ZMYM1: variants seen among roughly 807,000 people sequenced by gnomAD.
The protein encoded by ZMYM1 is zinc finger MYM-type containing 1.
A neutral mutation model predicts 60.0 loss-of-function variants in ZMYM1; 39 were observed. The observed-to-expected ratio is 0.65, with a 90% CI of 0.50 to 0.85. The LOEUF (loss-of-function observed/expected upper bound fraction) is 0.85. Among genes scored for constraint, ZMYM1 ranks in the 40% least tolerant of loss-of-function variants. ZMYM1 has a pLI of 0.00. For missense variants in ZMYM1, 1,171 were observed against 1,309.5 expected, an observed-to-expected ratio of 0.89 and a Z score of 1.63; for synonymous variants, 413 against 454.0, an observed-to-expected ratio of 0.91 and a Z score of 1.15.
chr1:35,065,657 G>GAA (rs571665871), intron 1 of ZMYM1, among the ~76,000 whole-genome samples: 1 of 140,628 alleles, frequency 7.1e-6, no homozygotes, highest in African/African-American at 2.6e-5. Context: ...TAAGAAGTTA[G>GAA]AAAAAAAAAA....
intron 1 of ZMYM1, chr1:35,059,937 C>T (rs1641841201): frequency 6.6e-6 from 1 of 152,058 alleles, no homozygotes; most frequent in Admixed American, 6.6e-5. Context: ...TATTTCGTTT[C>T]TCTCTCTTGC....
At chr1:35,096,089 C>T (rs1015320180) in intron 3 of ZMYM1, among the ~76,000 whole-genome samples, 198 bp downstream of exon 3, 18 of 151,840 alleles carry the variant, frequency 1.2e-4, no homozygotes, top group Admixed American at 2.6e-4. Flanking sequence ...CCGAGGCAGG[C>T]GGATCATGAG....
chr1:35,106,840 T>C lies in ZMYM1; in HGVS notation c.807+2071T>C, dbSNP rs531790779. ...ATAGGCCTTGTTCTGGGTTGTTTTT[T>C]GTTGTTGTTGTTGTTGTTGTTTGTT... On this transcript the variant is annotated intron_variant, in intron 6 of 9. Coordinates refer to ENST00000359858, the MANE Select transcript of ZMYM1 (RefSeq NM_024772.5). Among the ~76,000 whole-genome samples, 12 of 150,966 alleles carry C rather than the reference T, an allele frequency of 7.9e-5. No individual in the cohort carries two copies. In the South Asian group the frequency reaches 2.5e-3, roughly 32 times the overall value.
intron 4 of ZMYM1, among the ~76,000 whole-genome samples, chr1:35,099,680 T>G (rs933311713): frequency 2.6e-5 from 4 of 152,050 alleles, no homozygotes; most frequent in Non-Finnish European, 5.9e-5. Flanking sequence ...TCTTCTGGGG[T>G]TTTTTTATCT....
chr1:35,097,261 C>A, intron 3 of ZMYM1, 56 bp from the exon 4 acceptor site: 1 of 1,515,782 alleles, frequency 6.6e-7, no homozygotes, highest in Admixed American at 2.2e-5. Flanking sequence ...TAAAGGAATG[C>A]CTACTTAATT....
At position 35,113,503 on chromosome 1, in the gene ZMYM1, T is replaced by C. The variant is rs201466053; in HGVS notation, c.1673T>C (p.Ile558Thr). Residue 558 changes from isoleucine to threonine, a missense_variant, in exon 10 of 10, where the codon ATT becomes ACT. Ile to Thr is a moderately conservative substitution (Grantham distance 89). Transcript: ENST00000359858. ...EGNKKYLKLI[I>T]ENILFLGKQC... The stretch of plus-strand genomic sequence containing the variant: ...AATAAAAAGTACCTAAAGCTTATAA[T>C]TGAAAATATTTTATTTCTTGGAAAG... The C allele has an allele frequency of 7.5e-6, 12 of 1,609,770 alleles. No homozygotes were observed. The highest frequency in any genetic ancestry group is 5.4e-5 in the African/African-American group (4 of 74,680).
At chr1:35,087,824 A>G (rs1642740441) in intron 1 of ZMYM1, among the ~76,000 whole-genome samples, 2 of 151,802 alleles carry the variant, frequency 1.3e-5, no homozygotes, top group African/African-American at 4.8e-5. Context: ...GCACTTTGGG[A>G]GGCTGAGGCC....
exon 1 of ZMYM1, chr1:35,059,923 A>G (rs1244738544): frequency 6.6e-6 from 1 of 151,966 alleles, no homozygotes; most frequent in Non-Finnish European, 1.5e-5. Context: ...CAGCCACAAA[A>G]AGGTATTTCG....
At chr1:35,067,436 C>T (rs1380899924) in intron 1 of ZMYM1, among the ~76,000 whole-genome samples, 1 of 151,878 alleles carries the variant, frequency 6.6e-6, no homozygotes, top group Non-Finnish European at 1.5e-5. Flanking sequence ...TACAGGCATG[C>T]ACCACCATGC....
chr1:35,088,776 C>T (rs1642822341), intron 1 of ZMYM1, among the ~76,000 whole-genome samples: 1 of 147,484 alleles, frequency 6.8e-6, no homozygotes, highest in African/African-American at 2.5e-5. Context: ...AGCATTTTCC[C>T]TTGCCTCAGA....
rs560648562 is a variant in ZMYM1 at position 35,081,234 on chromosome 1, G to A, written c.-75+1792G>A. ...GCCCGGCCGAATAAAATAAATCTTAGCAAAGTGTAATGTATAAAGAAGTGG... is the reference window on the plus strand; with the variant it reads ...GCCCGGCCGAATAAAATAAATCTTAACAAAGTGTAATGTATAAAGAAGTGG... On this transcript the variant is annotated intron_variant, in intron 1 of 9. Coordinates refer to ENST00000359858, the MANE Select transcript of ZMYM1 (RefSeq NM_024772.5). 2.0e-5 allele frequency among the ~76,000 whole-genome samples: 3 copies of A among 152,296 alleles called. No individual in the cohort carries two copies. In the South Asian group the frequency reaches 6.2e-4, roughly 32 times the overall value.
intron 1 of ZMYM1, among the ~76,000 whole-genome samples, chr1:35,073,520 A>G (rs1338063789): frequency 1.3e-5 from 2 of 151,724 alleles, no homozygotes; most frequent in African/African-American, 4.8e-5. Context: ...CTATGATCAC[A>G]CCACTTCACG....
intron 1 of ZMYM1, among the ~76,000 whole-genome samples, chr1:35,066,100 A>G (rs1569838805): frequency 1.3e-5 from 2 of 152,242 alleles, no homozygotes; most frequent in Non-Finnish European, 2.9e-5. Flanking sequence ...TCTATAAAAA[A>G]AACCTCCTAC....
At chr1:35,104,065 A>C (rs957316616) in intron 4 of ZMYM1, among the ~76,000 whole-genome samples, 1 of 152,210 alleles carries the variant, frequency 6.6e-6, no homozygotes, top group East Asian at 1.9e-4. Flanking sequence ...GCAAGACCCT[A>C]TCTCTTAAAA....
chr1:35,110,427 C>A lies in ZMYM1; in HGVS notation c.941C>A (p.Ala314Asp). ...SINCFSAYSK[A>D]KMESSSVSVV... is the part of the protein sequence containing the mutation. ...AATTGTTTCTCTGCATACAGTAAAG[C>A]TAAGATGGAATCTTCTTCAGGTAAT... Residue 314 changes from alanine (A) to aspartate (D), a missense_variant, in exon 7 of 10, where the codon GCT becomes GAT. Transcript: ENST00000359858. 6.6e-7 allele frequency: 1 copy of A among 1,523,904 alleles called. No homozygotes were observed. Among genetic ancestry groups the A allele is most frequent in the South Asian group, 1.4e-5 (1 of 73,924 alleles). The allele number at this position is 1,523,904 out of a possible 1,614,324, so 94.4% of individuals were successfully genotyped here. A position where few individuals can be genotyped will look rare whatever the true frequency, so the allele number is the denominator to read the frequency against.
rs776440295 is a variant in ZMYM1, at chr1:35,104,334, G to A, written c.459G>A (p.Leu153=). ...LNPKDVISVQ[L]EDTTSCKTFC... ...CAAAGGATGTGATTAGTGTCCAGCT[G>A]GAAGACACTACCTCTTGCAAAACTT... Residue 153 remains leucine (L), a synonymous_variant, in exon 5 of 10, where the codon CTG becomes CTA. Coordinates refer to ENST00000359858, the MANE Select transcript of ZMYM1 (RefSeq NM_024772.5). The A allele has an allele frequency of 1.9e-6, 3 of 1,606,688 alleles. No individual in the cohort carries two copies. The highest frequency in any genetic ancestry group is 3.5e-5 in the Admixed American group (2 of 57,284).
intron 1 of ZMYM1, among the ~76,000 whole-genome samples, chr1:35,067,419 C>T (rs953213181): frequency 6.6e-6 from 1 of 152,024 alleles, no homozygotes; most frequent in Admixed American, 6.6e-5. Flanking sequence ...TCCCAAGTAG[C>T]TGGGACTACA....
In ZMYM1 at chr1:35,113,552, C is replaced by A; in HGVS notation, c.1722C>A (p.Asn574Lys). 6.2e-7 allele frequency: 1 copy of A among 1,613,320 alleles called. No individual in the cohort carries two copies. Among genetic ancestry groups the A allele is most frequent in the Non-Finnish European group, 8.5e-7 (1 of 1,179,804 alleles). ...AGCAGTGTTTACCCTTAAGAGGAAA[C>A]GACCAGTCAGTTTCATCTGTGAATA... ...LGKQCLPLRG[N>K]DQSVSSVNKG... The change falls in exon 10 of 10, where the codon AAC becomes AAA. Residue 574 changes from asparagine (N) to lysine (K), a missense_variant. Physicochemically the swap from Asn to Lys is moderately conservative, Grantham distance 94 (BLOSUM62 0). Transcript: ENST00000359858.
At chr1:35,066,494 G>A (rs1307074599) in intron 1 of ZMYM1, among the ~76,000 whole-genome samples, 2 of 151,790 alleles carry the variant, frequency 1.3e-5, no homozygotes, top group Admixed American at 1.3e-4. Flanking sequence ...CACTGCACCT[G>A]GCCAAAAATA....
Sources: allele counts gnomAD v4.1 joint callset (sites outside exome capture counted in the v4.1 genomes callset), GRCh38; gene constraint gnomAD v4.1.1; transcripts MANE v1.5; gene names NCBI Gene and HGNC (gene_info 2026-07-23, HGNC 2026-07-21).